Variants in MIPOL1 observed in about 807,000 individuals in gnomAD.
MIPOL1 encodes mirror-image polydactyly gene 1 protein.
In MIPOL1, 57 loss-of-function variants were observed where a neutral mutation model predicts 60.9. The observed-to-expected ratio is 0.94, with a 90% CI of 0.76 to 1.17. The LOEUF is 1.17. Ranked by LOEUF, MIPOL1 falls within the 50% of genes most tolerant of loss-of-function variation. MIPOL1 has a pLI of 0.00. For missense variants in MIPOL1, 551 were observed against 511.6 expected, an observed-to-expected ratio of 1.08 and a Z score of -0.74; for synonymous variants, 179 against 168.8, an observed-to-expected ratio of 1.06 and a Z score of -0.47.
chr14:37,472,561 A>G lies in MIPOL1; in HGVS notation c.1032-27347A>G, dbSNP rs1202582890. Among the ~76,000 whole-genome samples, 3 of 152,160 alleles carry G rather than the reference A, an allele frequency of 2.0e-5. No homozygotes were observed. The East Asian group carries it at 5.8e-4, about 29-fold the overall frequency. On this transcript the variant is annotated intron_variant, in intron 11 of 12. Coordinates refer to ENST00000684589, the MANE Select transcript of MIPOL1 (RefSeq NM_001388067.1). Reference sequence around the variant, plus strand: ...CTAAGTAGAATTAGGATGAAAAATGATATGATAGCTTATTTTTAACTAAGT... The same window carrying G: ...CTAAGTAGAATTAGGATGAAAAATGGTATGATAGCTTATTTTTAACTAAGT...
chr14:37,439,625 G>A (rs560450753), intron 11 of MIPOL1, among the ~76,000 whole-genome samples: 10 of 152,114 alleles, frequency 6.6e-5, no homozygotes, highest in East Asian at 3.9e-4. Flanking sequence ...AACTCTACAC[G>A]TACGCATCAC....
chr14:37,393,404 T>TTGTGTGTGTGTG (rs66937049), intron 10 of MIPOL1, among the ~76,000 whole-genome samples: 11 of 117,926 alleles, frequency 9.3e-5, no homozygotes, highest in African/African-American at 3.6e-4. Flanking sequence ...TGTTTTGTTT[T>TTGTGTGTGTGTG]TGTGTGTGTG....
At position 37,316,445 on chromosome 14, in the gene MIPOL1, G is replaced by A. The variant is rs143361949; in HGVS notation, c.828+7926G>A. 2.7e-3 allele frequency among the ~76,000 whole-genome samples: 416 copies of A among 152,148 alleles called. 5 individuals carry two copies. Among genetic ancestry groups the A allele is most frequent in the Non-Finnish European group, 1.8e-3 (124 of 68,002 alleles). On this transcript the variant is annotated intron_variant, in intron 9 of 12. Coordinates refer to ENST00000684589, the MANE Select transcript of MIPOL1 (RefSeq NM_001388067.1). ...TGTTGAGGGCTTTGACAGGAGTTCCGTCCAGGACAGAGGCAACGTTGGAGT... is the reference window on the plus strand; with the variant it reads ...TGTTGAGGGCTTTGACAGGAGTTCCATCCAGGACAGAGGCAACGTTGGAGT...
chr14:37,282,967 A>G (rs1413212104), intron 6 of MIPOL1, among the ~76,000 whole-genome samples: 3 of 152,152 alleles, frequency 2.0e-5, no homozygotes, highest in South Asian at 4.1e-4. Flanking sequence ...TTTTCAGACT[A>G]TGAATAACTG....
chr14:37,353,767 T>C (rs2091589905), intron 9 of MIPOL1, among the ~76,000 whole-genome samples: 1 of 152,202 alleles, frequency 6.6e-6, no homozygotes, highest in Non-Finnish European at 1.5e-5. Flanking sequence ...GTTTATCATT[T>C]TTTAATGCGT....
intron 1 of MIPOL1, among the ~76,000 whole-genome samples, chr14:37,225,125 T>G (rs1969489439): frequency 6.6e-6 from 1 of 152,178 alleles, no homozygotes; most frequent in Admixed American, 6.5e-5. Flanking sequence ...TCTTGCAGGG[T>G]ACAGCCTCCC....
chr14:37,307,928 G>T (rs1421510250), intron 7 of MIPOL1, 128 bp from the exon 8 acceptor site: 2 of 724,424 alleles, frequency 2.8e-6, no homozygotes, highest in East Asian at 2.5e-5. Flanking sequence ...AATATGTTCA[G>T]TGTCATGGTT....
chr14:37,236,034 C>T (rs1348384612), intron 1 of MIPOL1, among the ~76,000 whole-genome samples: 1 of 151,662 alleles, frequency 6.6e-6, no homozygotes, highest in African/African-American at 2.4e-5. Flanking sequence ...TCAAATGATT[C>T]TCCTGTCTCA....
chr14:37,460,588 A>G (rs1043383778), intron 11 of MIPOL1, among the ~76,000 whole-genome samples: 6 of 152,222 alleles, frequency 3.9e-5, no homozygotes, highest in Non-Finnish European at 7.3e-5. Context: ...CACTGATGAC[A>G]TGATCTTACA....
At chr14:37,250,304 T>C (rs1453938059) in intron 3 of MIPOL1, among the ~76,000 whole-genome samples, 1 of 152,110 alleles carries the variant, frequency 6.6e-6, no homozygotes, top group African/African-American at 2.4e-5. Context: ...TCCCAGCACT[T>C]TGAGAGGCGA....
At chr14:37,215,946 C>T (rs929588537) in intron 1 of MIPOL1, among the ~76,000 whole-genome samples, 1 of 151,718 alleles carries the variant, frequency 6.6e-6, no homozygotes, top group African/African-American at 2.4e-5. Flanking sequence ...CAGGCACCTG[C>T]AACCCCAGCT....
intron 12 of MIPOL1, among the ~76,000 whole-genome samples, chr14:37,511,317 T>C (rs1382679565): frequency 2.6e-5 from 4 of 152,210 alleles, no homozygotes; most frequent in Non-Finnish European, 5.9e-5. Flanking sequence ...TGTACTTTTA[T>C]TGGAAAATGT....
At chr14:37,474,649 A>C (rs1384794925) in intron 11 of MIPOL1, among the ~76,000 whole-genome samples, 1 of 152,212 alleles carries the variant, frequency 6.6e-6, no homozygotes, top group Non-Finnish European at 1.5e-5. Context: ...CTTTATTAGC[A>C]GTGCAAGAAC....
chr14:37,251,034 A>G (rs1226362404), intron 3 of MIPOL1, among the ~76,000 whole-genome samples: 2 of 152,124 alleles, frequency 1.3e-5, no homozygotes, highest in African/African-American at 2.4e-5. Context: ...GGGTGATGAC[A>G]TCTACAAAAT....
intron 9 of MIPOL1, among the ~76,000 whole-genome samples, chr14:37,332,801 G>A (rs60389217): frequency 0.085 from 12,981 of 152,098 alleles, 842 homozygotes; most frequent in East Asian, 0.32. Flanking sequence ...AACATCACTA[G>A]TGGAACTTTG....
At chr14:37,454,742 G>T (rs1485261619) in intron 11 of MIPOL1, among the ~76,000 whole-genome samples, 2 of 152,138 alleles carry the variant, frequency 1.3e-5, no homozygotes, top group African/African-American at 4.8e-5. Flanking sequence ...ATAAATCCAT[G>T]TGGTAAATAA....
chr14:37,358,568 T>G (rs1474922087), intron 9 of MIPOL1, among the ~76,000 whole-genome samples: 3 of 152,228 alleles, frequency 2.0e-5, no homozygotes, highest in Non-Finnish European at 2.9e-5. Flanking sequence ...GGTTTTGATT[T>G]GCATTTCTCT....
intron 10 of MIPOL1, chr14:37,400,561 A>G (rs991972353): frequency 2.0e-5 from 3 of 152,190 alleles, no homozygotes; most frequent in Non-Finnish European, 2.9e-5. Flanking sequence ...TATGGAGTCA[A>G]TATTATCCAA....
At chr14:37,393,390 G>A (rs1034394702) in intron 10 of MIPOL1, among the ~76,000 whole-genome samples, 2 of 45,534 alleles carry the variant, frequency 4.4e-5, no homozygotes, top group Non-Finnish European at 7.4e-5. Context: ...GTTTTGTTTT[G>A]TTTTGTTTTG....
Sources: allele counts gnomAD v4.1 joint callset (sites outside exome capture counted in the v4.1 genomes callset), GRCh38; gene constraint gnomAD v4.1.1; transcripts MANE v1.5; gene names NCBI Gene and HGNC (gene_info 2026-07-23, HGNC 2026-07-21).